The following ABLIM3 variants were observed in gnomAD, a reference collection of about 807,000 sequenced individuals.
ABLIM3 encodes the protein actin binding LIM protein family member 3.
ABLIM3 carries 61 observed loss-of-function variants against 109.5 expected under a neutral mutation model. The ratio of observed to expected loss-of-function variants is 0.56; its 90% CI spans 0.45 to 0.69. The LOEUF is 0.69. Among genes scored for constraint, ABLIM3 ranks in the 30% least tolerant of loss-of-function variants. ABLIM3 has a pLI of 0.00. For missense variants in ABLIM3, 796 were observed against 889.5 expected, an observed-to-expected ratio of 0.89 and a Z score of 1.34; for synonymous variants, 300 against 324.8, an observed-to-expected ratio of 0.92 and a Z score of 0.82.
At chr5:149,150,475 G>A (rs951877908) in intron 2 of ABLIM3, among the ~76,000 whole-genome samples, 6 of 152,168 alleles carry the variant, frequency 3.9e-5, no homozygotes, top group South Asian at 2.1e-4. Flanking sequence ...GAGGAATAAC[G>A]TAAGGAACAA....
intron 3 of ABLIM3, among the ~76,000 whole-genome samples, chr5:149,191,921 G>A (rs907065938): frequency 2.0e-5 from 3 of 152,096 alleles, no homozygotes; most frequent in South Asian, 2.1e-4. Context: ...GCAGTGGCAC[G>A]ATCTCGGCTC....
rs199703082 is a variant in ABLIM3 at position 149,183,455 on chromosome 5, C to A, written c.17C>A (p.Pro6His). 6.4e-7 allele frequency: 1 copy of A among 1,550,984 alleles called. No individual in the cohort carries two copies. The highest frequency in any genetic ancestry group is 1.2e-5 in the South Asian group (1 of 82,040). The change falls in exon 3 of 24, where the codon CCT (proline) becomes CAT (histidine). Residue 6 changes from proline (P) to histidine (H), a missense_variant. Coordinates refer to ENST00000309868, the MANE Select transcript of ABLIM3 (RefSeq NM_014945.5). The stretch of plus-strand genomic sequence containing the variant: ...GATCTCTTTGTTTCTTTTACAGTTC[C>A]TTATCAGCAGAATCCTTACAATCCA... MNTSI[P>H]YQQNPYNPRG... is the part of the protein sequence containing the mutation.
rs1211940904 is a variant in ABLIM3 at position 149,246,354 on chromosome 5, G to C, written c.1487-128G>C. The C allele has an allele frequency of 1.4e-5, 12 of 882,428 alleles. No homozygotes were observed. In the East Asian group the frequency reaches 3.0e-4, roughly 22 times the overall value. 54.7% of individuals were successfully genotyped at this position (882,428 alleles called of 1,614,324 possible). A position where few individuals can be genotyped will look rare whatever the true frequency, so the allele number is the denominator to read the frequency against. ...CTGATGTGGGGCTTAGCTTAAACGA[G>C]ACTGTTTCCATTGAAAAATAAGATT... On this transcript the variant is annotated intron_variant, in intron 16 of 23. Transcript: ENST00000309868.
In ABLIM3 at chr5:149,147,069, T is replaced by TTCTCTC. The variant is rs200724498; in HGVS notation, c.13+4976_13+4981dup. Among the ~76,000 whole-genome samples, 352 of 148,740 alleles carry TTCTCTC rather than the reference T, an allele frequency of 2.4e-3. 4 individuals carry two copies. The highest frequency in any genetic ancestry group is 8.1e-3 in the African/African-American group (331 of 40,704). The stretch of plus-strand genomic sequence containing the variant: ...ATATTCCTAGGGTTTCTCTCTCTCT[T>TTCTCTC]TCTCTCTCTCTCTCTCTCTCGCTCG... On this transcript the variant is annotated intron_variant, in intron 2 of 23. Transcript: ENST00000309868.
chr5:149,232,015 G>T (rs539071334), intron 9 of ABLIM3, among the ~76,000 whole-genome samples: 2 of 152,282 alleles, frequency 1.3e-5, no homozygotes, highest in East Asian at 3.9e-4. Flanking sequence ...TGTTTAAAAA[G>T]GGAAATTGGG....
chr5:149,259,871 A>C lies in ABLIM3; in HGVS notation c.*1467A>C. 11 of 404,308 alleles carry C rather than the reference A, an allele frequency of 2.7e-5. No homozygotes were observed. Among genetic ancestry groups the C allele is most frequent in the South Asian group, 1.2e-4 (4 of 34,014 alleles). 25.0% of individuals were successfully genotyped at this position (404,308 alleles called of 1,614,324 possible). ...TGTAGAACTGACTTAAATTGAACAA[A>C]CCCTCACTGAGCACCTCTGATGTTG... is the stretch of plus-strand genomic sequence containing the variant. On this transcript the variant is annotated 3_prime_UTR_variant, in exon 24 of 24. Transcript: ENST00000309868.
At chr5:149,209,791 ACACCTC>A (rs1759362956) in intron 6 of ABLIM3, among the ~76,000 whole-genome samples, 1 of 152,138 alleles carries the variant, frequency 6.6e-6, no homozygotes, top group Non-Finnish European at 1.5e-5. Context: ...GGGCACAGTC[ACACCTC>A]CAGACCTTGG....
rs772166449 is a variant in ABLIM3 at position 149,198,930 on chromosome 5, C to G, written c.335+528C>G. The G allele has an allele frequency of 2.6e-5, 10 of 389,592 alleles. No individual in the cohort carries two copies. The highest frequency in any genetic ancestry group is 5.2e-5 in the Non-Finnish European group (10 of 193,458). 24.1% of individuals were successfully genotyped at this position (389,592 alleles called of 1,614,324 possible). ...CCATTCCAACCTCATTGGGTTTTCT[C>G]GAAGATCAATGAGATGATGATGCAA... On this transcript the variant is annotated intron_variant, in intron 4 of 23. Coordinates refer to ENST00000309868, the MANE Select transcript of ABLIM3 (RefSeq NM_014945.5). The surrounding 1 kb of genome is among the most constrained non-coding windows in gnomAD (Gnocchi z 4.2).
At chr5:149,190,459 C>T (rs952398014) in intron 3 of ABLIM3, among the ~76,000 whole-genome samples, 4 of 152,126 alleles carry the variant, frequency 2.6e-5, no homozygotes. Context: ...GCGGGTGGAT[C>T]ACCTGAGCCC....
At chr5:149,229,469 G>A (rs1761628227) in intron 8 of ABLIM3, among the ~76,000 whole-genome samples, 1 of 152,178 alleles carries the variant, frequency 6.6e-6, no homozygotes, top group Admixed American at 6.5e-5. Context: ...TAGGGGCTGA[G>A]CAGAGACAAA....
intron 12 of ABLIM3, 30 bp downstream of exon 12, chr5:149,239,307 T>C (rs1377970128): frequency 1.2e-6 from 2 of 1,610,688 alleles, no homozygotes; most frequent in Middle Eastern, 1.7e-4. Flanking sequence ...ATTAAGTTGA[T>C]ATATAATTGT....
chr5:149,143,873 A>G (rs192300618), intron 2 of ABLIM3, among the ~76,000 whole-genome samples: 22 of 151,610 alleles, frequency 1.5e-4, no homozygotes, highest in Middle Eastern at 3.4e-3. Flanking sequence ...TATCTCTAGG[A>G]AAAAAAAATG....
intron 17 of ABLIM3, chr5:149,247,566 C>T: frequency 2.8e-6 from 2 of 720,062 alleles, no homozygotes; most frequent in South Asian, 1.5e-5. Context: ...TTGTGCCCAC[C>T]ACCAGACCCC....
intron 6 of ABLIM3, among the ~76,000 whole-genome samples, chr5:149,210,460 G>A (rs1759430292): frequency 6.6e-6 from 1 of 152,180 alleles, no homozygotes; most frequent in African/African-American, 2.4e-5. Context: ...AAGAATAAGG[G>A]ATAACAATCT....
At chr5:149,188,667 C>T (rs983569150) in intron 3 of ABLIM3, among the ~76,000 whole-genome samples, 2 of 152,120 alleles carry the variant, frequency 1.3e-5, no homozygotes, top group Non-Finnish European at 2.9e-5. Context: ...TTTAAGAGTA[C>T]TAATCTCATC....
At chr5:149,250,722 T>C (rs1374311766) in intron 20 of ABLIM3, among the ~76,000 whole-genome samples, 1 of 152,172 alleles carries the variant, frequency 6.6e-6, no homozygotes, top group African/African-American at 2.4e-5. Context: ...TAGTACTTAT[T>C]GGGCAATAAC....
Position 149,189,100 on chromosome 5 carries a change from A to AAG in ABLIM3, c.151+5514_151+5515dup, listed in dbSNP as rs372570988. On this transcript the variant is annotated intron_variant, in intron 3 of 23. Coordinates refer to ENST00000309868, the MANE Select transcript of ABLIM3 (RefSeq NM_014945.5). ...TTCAACAAGGCTGTTGAGATAATTC[A>AAG]AGAGGGGAAGAATGGTCTTTTCAAA... Among the ~76,000 whole-genome samples, 529 of 152,346 alleles carry AAG rather than the reference A, an allele frequency of 3.5e-3. 3 individuals are homozygous for AAG. Among genetic ancestry groups the AAG allele is most frequent in the African/African-American group, 8.6e-3 (356 of 41,582 alleles).
At chr5:149,151,705 C>T (rs1306146713) in intron 2 of ABLIM3, among the ~76,000 whole-genome samples, 2 of 152,246 alleles carry the variant, frequency 1.3e-5, no homozygotes, top group African/African-American at 4.8e-5. Context: ...CACAGCCAGT[C>T]TGTTTGCCAC....
At chr5:149,175,622 C>T (rs541514267) in intron 2 of ABLIM3, among the ~76,000 whole-genome samples, 2 of 151,978 alleles carry the variant, frequency 1.3e-5, no homozygotes, top group African/African-American at 4.8e-5. Flanking sequence ...GAAGGAGGGG[C>T]GGGCAATCCG....
Sources: allele counts gnomAD v4.1 joint callset (sites outside exome capture counted in the v4.1 genomes callset), GRCh38; gene constraint gnomAD v4.1.1; non-coding constraint Gnocchi (gnomAD v3.1); transcripts MANE v1.5; gene names NCBI Gene and HGNC (gene_info 2026-07-23, HGNC 2026-07-21).